Variants in NYAP2 observed in about 807,000 individuals in gnomAD.
NYAP2 encodes the protein neuronal tyrosine-phosphorylated phosphoinositide-3-kinase adapter 2.
A neutral mutation model predicts 50.4 loss-of-function variants in NYAP2; 23 were observed. The observed-to-expected ratio is 0.46, with a 90% confidence interval of 0.33 to 0.65. The LOEUF (loss-of-function observed/expected upper bound fraction) is 0.65. Among genes scored for constraint, NYAP2 ranks in the 30% least tolerant of loss-of-function variants. The probability of loss-of-function intolerance (pLI) is 0.02; values close to 1 mark genes in which losing one functional copy is unlikely to be tolerated. For missense variants in NYAP2, 885 were observed against 861.0 expected (o/e 1.03, Z -0.35); for synonymous variants, 394 against 365.2 (o/e 1.08, Z -0.90).
At chr2:225,510,494 A>C (rs1690791664) in intron 3 of NYAP2, among the ~76,000 whole-genome samples, 1 of 152,142 alleles carries the variant, frequency 6.6e-6, no homozygotes, top group Admixed American at 6.5e-5. Context: ...ATATTTAAAA[A>C]ACTCCACATG....
intron 3 of NYAP2, among the ~76,000 whole-genome samples, chr2:225,477,828 A>G (rs1690143678): frequency 6.6e-6 from 1 of 152,154 alleles, no homozygotes; most frequent in African/African-American, 2.4e-5. Flanking sequence ...CATGTACTCA[A>G]ACAAAATGAT....
chr2:225,562,248 C>A (rs185128057), intron 4 of NYAP2, among the ~76,000 whole-genome samples: 1 of 152,188 alleles, frequency 6.6e-6, no homozygotes, highest in African/African-American at 2.4e-5. Context: ...AAATGACACA[C>A]AAATGAGGAA....
chr2:225,576,425 A>G (rs1406376322), intron 4 of NYAP2, among the ~76,000 whole-genome samples: 1 of 152,244 alleles, frequency 6.6e-6, no homozygotes, highest in Admixed American at 6.5e-5. Flanking sequence ...AATTAAAAAA[A>G]AATAGTGGAT....
At chr2:225,512,827 C>CTTTCTT (rs1188934335) in intron 3 of NYAP2, among the ~76,000 whole-genome samples, 3 of 83,404 alleles carry the variant, frequency 3.6e-5, no homozygotes, top group Admixed American at 1.2e-4. Flanking sequence ...CTTTCTCTCT[C>CTTTCTT]TCTCTCTCTC....
chr2:225,455,317 T>C (rs565121584), intron 3 of NYAP2, among the ~76,000 whole-genome samples: 6 of 152,196 alleles, frequency 3.9e-5, no homozygotes, highest in Admixed American at 1.3e-4. Flanking sequence ...GCTGAATAAT[T>C]ATTTTAACAT....
chr2:225,512,839 TTC>T lies in NYAP2; in HGVS notation c.222-530_222-529del, dbSNP rs1559200543. On this transcript the variant is annotated intron_variant, in intron 3 of 6. Transcript: ENST00000636099. ...TTTCTTTCTCTCTCTCTCTCTCTCT[TTC>T]TTTCTTTCTTTCTTCCTTCCTTCCT... Among the ~76,000 whole-genome samples, 2 of 75,452 alleles carry T rather than the reference TTC, an allele frequency of 2.7e-5. 1 individual carries two copies. The highest frequency in any genetic ancestry group is 5.8e-5 in the Non-Finnish European group (2 of 34,586). The allele number at this position is 75,452 out of a possible 152,430, so 49.5% of individuals were successfully genotyped here.
At chr2:225,461,965 G>A (rs962606985) in intron 3 of NYAP2, among the ~76,000 whole-genome samples, 1 of 152,106 alleles carries the variant, frequency 6.6e-6, no homozygotes, top group Non-Finnish European at 1.5e-5. Flanking sequence ...TTGAATGTGG[G>A]TGTCTCAACA....
At chr2:225,620,435 ACACG>A (rs1693075374) in intron 5 of NYAP2, among the ~76,000 whole-genome samples, 1 of 30,850 alleles carries the variant, frequency 3.2e-5, no homozygotes, top group African/African-American at 8.3e-5. Context: ...ACGCACGCAC[ACACG>A]CACGCACACG....
At chr2:225,484,417 C>G (rs1690255862) in intron 3 of NYAP2, among the ~76,000 whole-genome samples, 2 of 152,174 alleles carry the variant, frequency 1.3e-5, no homozygotes, top group South Asian at 4.1e-4. Context: ...TAATTAGCCT[C>G]TAGTGTTAAG....
At position 225,619,728 on chromosome 2, in the gene NYAP2, G is replaced by A. The variant is rs1295412464; in HGVS notation, c.1619-7189G>A. ...CTTCAGGGTTAGCTGCATGAGGTGT[G>A]ATGGATTAGAATCCTGGAGAGAGTG... On this transcript the variant is annotated intron_variant, in intron 5 of 6. Transcript: ENST00000636099. 2.0e-5 allele frequency among the ~76,000 whole-genome samples: 3 copies of A among 152,146 alleles called. No homozygotes were observed. The East Asian group carries it at 5.8e-4, about 29-fold the overall frequency.
chr2:225,513,602 G>C (rs904513644), exon 4 of NYAP2: 1 of 1,577,780 alleles, frequency 6.3e-7, no homozygotes, highest in Admixed American at 1.8e-5. Flanking sequence ...GCACCAAGCT[G>C]AGCACCTCAT....
intron 4 of NYAP2, among the ~76,000 whole-genome samples, chr2:225,521,171 G>A (rs2106191149): frequency 6.6e-6 from 1 of 151,146 alleles, no homozygotes; most frequent in African/African-American, 2.4e-5. Context: ...AGGAGATTTT[G>A]GGCTGAGACA....
At chr2:225,694,972 GCAATTCAGACCATTCTAT>G in the NYAP2 span, among the ~76,000 whole-genome samples, 1 of 151,544 alleles carries the variant, frequency 6.6e-6, no homozygotes, top group South Asian at 2.1e-4. Context: ...TCTTTTTCTA[GCAATTCAGACCATTCTAT>G]CAATCAAGTG....
rs1245168454 is a variant in NYAP2, at chr2:225,649,275, T to C, written c.1829-2157T>C. ...AGGATATTTCACTATTACTATTTCCTTATAATAGGCAAGCAATACATTCTG... is the reference window on the plus strand; with the variant it reads ...AGGATATTTCACTATTACTATTTCCCTATAATAGGCAAGCAATACATTCTG... On this transcript the variant is annotated intron_variant, in intron 6 of 6. Coordinates refer to ENST00000636099, the Ensembl canonical transcript of NYAP2. 1.9e-4 allele frequency among the ~76,000 whole-genome samples: 29 copies of C among 152,222 alleles called. 1 individual carries two copies. Among genetic ancestry groups the C allele is most frequent in the Admixed American group, 1.9e-3 (29 of 15,286 alleles).
chr2:225,528,925 C>CA (rs1446557576), intron 4 of NYAP2, among the ~76,000 whole-genome samples: 1 of 152,162 alleles, frequency 6.6e-6, no homozygotes, highest in African/African-American at 2.4e-5. Context: ...GAATAGACAT[C>CA]AAAAAGCATG....
chr2:225,582,730 C>T lies in NYAP2; in HGVS notation c.1313C>T (p.Ser438Phe), dbSNP rs750626822. Residue 438 changes from serine (S) to phenylalanine (F), a missense_variant, in exon 5 of 7, where the codon TCC becomes TTC. By Grantham distance (155) the Ser-to-Phe change is radical. Coordinates refer to ENST00000636099, the Ensembl canonical transcript of NYAP2. The surrounding 1 kb of genome is among the most constrained non-coding windows in gnomAD (Gnocchi z 7.0). ...CCTAAAAGTCACTCCACCTCTCCCT[C>T]CCCCGTCAGCATGGGGAGGTCCCTG... 41 of 1,612,064 alleles carry T rather than the reference C, an allele frequency of 2.5e-5. No homozygotes were observed. The highest frequency in any genetic ancestry group is 3.1e-5 in the Non-Finnish European group (36 of 1,178,670).
At chr2:225,555,945 A>G (rs1197761831) in intron 4 of NYAP2, among the ~76,000 whole-genome samples, 3 of 152,130 alleles carry the variant, frequency 2.0e-5, no homozygotes, top group African/African-American at 7.2e-5. Flanking sequence ...ACTATACCCC[A>G]TCAGTTCTTA....
intron 5 of NYAP2, among the ~76,000 whole-genome samples, chr2:225,614,086 C>T (rs922910098): frequency 2.6e-5 from 4 of 152,110 alleles, no homozygotes; most frequent in Non-Finnish European, 2.9e-5. Flanking sequence ...AACCAAGGCT[C>T]AGTAAGAGTT....
intron 4 of NYAP2, among the ~76,000 whole-genome samples, chr2:225,538,778 T>TTTTCTTTCTTTC (rs201335435): frequency 2.6e-5 from 2 of 76,094 alleles, no homozygotes; most frequent in Non-Finnish European, 2.5e-5. Flanking sequence ...TTTTCTTTTC[T>TTTTCTTTCTTTC]TTTCTTTCTT....
Sources: allele counts gnomAD v4.1 joint callset (sites outside exome capture counted in the v4.1 genomes callset), GRCh38; gene constraint gnomAD v4.1.1; non-coding constraint Gnocchi (gnomAD v3.1); transcripts MANE v1.5; gene names NCBI Gene and HGNC (gene_info 2026-07-23, HGNC 2026-07-21).